WWOX: variants seen among roughly 807,000 people sequenced by gnomAD.
The protein encoded by WWOX is WW domain containing oxidoreductase.
In WWOX, 69 loss-of-function variants were observed where a neutral mutation model predicts 46.2. The ratio of observed to expected loss-of-function variants is 1.49; its 90% CI spans 1.23 to 1.82. WWOX has a LOEUF of 1.82. WWOX is among the 40% of genes most tolerant of loss of function. WWOX has a pLI of 0.00. For missense variants in WWOX, 919 were observed against 542.6 expected (o/e 1.69, Z -6.89); for synonymous variants, 359 against 202.6 (o/e 1.77, Z -6.56).
chr16:79,156,118 A>G (rs1231147684), intron 8 of WWOX, among the ~76,000 whole-genome samples: 1 of 152,176 alleles, frequency 6.6e-6, no homozygotes, highest in Admixed American at 6.5e-5. Context: ...CCCATCTGTT[A>G]CTACTAACAG....
chr16:78,717,251 T>C (rs374153839), intron 8 of WWOX, among the ~76,000 whole-genome samples: 1 of 152,184 alleles, frequency 6.6e-6, no homozygotes, highest in Admixed American at 6.5e-5. Context: ...CATTGCTAAA[T>C]TGGAAAACCA....
At chr16:79,079,206 G>A (rs1039512086) in intron 8 of WWOX, among the ~76,000 whole-genome samples, 1 of 152,074 alleles carries the variant, frequency 6.6e-6, no homozygotes, top group African/African-American at 2.4e-5. Flanking sequence ...TTTATTTTTA[G>A]CATCCGCGGT....
At chr16:79,187,042 T>G (rs2150798431) in intron 8 of WWOX, among the ~76,000 whole-genome samples, 1 of 152,286 alleles carries the variant, frequency 6.6e-6, no homozygotes, top group African/African-American at 2.4e-5. Flanking sequence ...ACCCTAAATG[T>G]GCAGAGCAGG....
intron 8 of WWOX, among the ~76,000 whole-genome samples, chr16:79,059,512 A>G (rs2048322533): frequency 6.6e-6 from 1 of 152,134 alleles, no homozygotes; most frequent in Non-Finnish European, 1.5e-5. Flanking sequence ...TTTTTTTGAG[A>G]TGGAGTCTTG....
At chr16:78,690,680 C>G (rs1455822960) in intron 8 of WWOX, among the ~76,000 whole-genome samples, 1 of 152,198 alleles carries the variant, frequency 6.6e-6, no homozygotes, top group African/African-American at 2.4e-5. Flanking sequence ...GGTTCTTTGT[C>G]TTGTCCCTCC....
chr16:78,953,330 T>C (rs1393834428), intron 8 of WWOX, among the ~76,000 whole-genome samples: 6 of 152,080 alleles, frequency 3.9e-5, no homozygotes, highest in Non-Finnish European at 8.8e-5. Context: ...TAACCTACTT[T>C]AGAGAACAAA....
intron 8 of WWOX, among the ~76,000 whole-genome samples, chr16:78,571,619 C>T (rs772873735): frequency 1.4e-4 from 22 of 152,070 alleles, no homozygotes; most frequent in Non-Finnish European, 2.4e-4. Context: ...CTGTTATCTC[C>T]GCACTTAAGG....
At chr16:78,930,202 G>A (rs1303757013) in intron 8 of WWOX, among the ~76,000 whole-genome samples, 1 of 135,826 alleles carries the variant, frequency 7.4e-6, no homozygotes, top group South Asian at 2.5e-4. Flanking sequence ...AGAGCCTGGG[G>A]TGGATTATTT....
chr16:79,212,382 C>T lies in WWOX; in HGVS notation c.*586C>T. On this transcript the variant is annotated 3_prime_UTR_variant, in exon 9 of 9. Coordinates refer to ENST00000566780, the MANE Select transcript of WWOX (RefSeq NM_016373.4). ...AGAGGGAGTAGAATACGCAGAACTACCAGGTGGCAAAGTACTTGTCATAGA... is the reference window on the plus strand; with the variant it reads ...AGAGGGAGTAGAATACGCAGAACTATCAGGTGGCAAAGTACTTGTCATAGA... The T allele has an allele frequency of 1.6e-5, 8 of 491,002 alleles. No homozygotes were observed. The South Asian group carries it at 3.1e-4, about 19-fold the overall frequency. The allele number at this position is 491,002 out of a possible 1,614,324, so 30.4% of individuals were successfully genotyped here.
intron 8 of WWOX, among the ~76,000 whole-genome samples, chr16:78,533,387 C>G (rs1188939013): frequency 6.7e-6 from 1 of 148,886 alleles, no homozygotes; most frequent in Admixed American, 6.8e-5. Flanking sequence ...TTTGGCTGCA[C>G]ATAATATACA....
intron 3 of WWOX, among the ~76,000 whole-genome samples, chr16:78,110,219 G>T (rs1267152322): frequency 1.3e-5 from 2 of 151,608 alleles, no homozygotes; most frequent in African/African-American, 4.8e-5. Context: ...ACGTGCCTGT[G>T]GTCCCTGCTA....
intron 8 of WWOX, among the ~76,000 whole-genome samples, chr16:78,470,754 C>G (rs372513894): frequency 1.3e-5 from 2 of 152,236 alleles, no homozygotes; most frequent in East Asian, 3.9e-4. Context: ...GTCTTGAACT[C>G]CTGACCTCAG....
chr16:78,868,916 T>G (rs921991052), intron 8 of WWOX, among the ~76,000 whole-genome samples: 1 of 152,094 alleles, frequency 6.6e-6, no homozygotes, highest in Non-Finnish European at 1.5e-5. Flanking sequence ...CCCCCCTTTT[T>G]CCATTAAAAC....
intron 8 of WWOX, among the ~76,000 whole-genome samples, chr16:79,048,978 T>G (rs2048116608): frequency 6.6e-6 from 1 of 152,116 alleles, no homozygotes; most frequent in African/African-American, 2.4e-5. Context: ...ATTCCTCTAT[T>G]CCCTGGACAA....
intron 3 of WWOX, among the ~76,000 whole-genome samples, 192 bp downstream of exon 3, chr16:78,110,027 C>T (rs530703936): frequency 7.2e-5 from 11 of 151,730 alleles, no homozygotes; most frequent in South Asian, 4.2e-4. Flanking sequence ...CTATTTTCCC[C>T]GCACACGCAT....
Position 78,424,946 on chromosome 16 carries a change from A to G in WWOX, c.682A>G (p.Thr228Ala). The G allele has an allele frequency of 1.2e-6, 2 of 1,614,018 alleles. No individual in the cohort carries two copies. Among genetic ancestry groups the G allele is most frequent in the South Asian group, 2.2e-5 (2 of 91,062 alleles). Reference protein sequence around the residue: ...WSLTKDGLETTFQVNHLGHFY... With the variant: ...WSLTKDGLETAFQVNHLGHFY... The stretch of plus-strand genomic sequence containing the variant: ...TCTCACCAAAGATGGCCTGGAGACC[A>G]CCTTTCAAGTGAATCATCTGGGGCA... Residue 228 changes from threonine (T) to alanine (A), a missense_variant, in exon 7 of 9, where the codon ACC (threonine) becomes GCC (alanine). Physicochemically the swap from Thr to Ala is moderately conservative, Grantham distance 58 (BLOSUM62 0). Transcript: ENST00000566780.
At chr16:78,781,998 G>A (rs1168312811) in intron 8 of WWOX, among the ~76,000 whole-genome samples, 1 of 152,108 alleles carries the variant, frequency 6.6e-6, no homozygotes, top group East Asian at 1.9e-4. Context: ...AAGCAATTTG[G>A]TTCCAAAACC....
At chr16:78,871,799 C>A (rs2044134499) in intron 8 of WWOX, among the ~76,000 whole-genome samples, 1 of 152,158 alleles carries the variant, frequency 6.6e-6, no homozygotes, top group Non-Finnish European at 1.5e-5. Flanking sequence ...AGAGGGGTTT[C>A]ACCATATTGG....
intron 8 of WWOX, among the ~76,000 whole-genome samples, chr16:78,722,208 G>A (rs747577497): frequency 4.6e-5 from 7 of 152,172 alleles, no homozygotes; most frequent in Non-Finnish European, 1.0e-4. Flanking sequence ...GATGACCGCA[G>A]CTCCTGTAGT....
Sources: gnomAD v4.1 joint callset for allele counts (sites outside exome capture counted in the v4.1 genomes callset) on GRCh38, gnomAD v4.1.1 for gene constraint, MANE v1.5 for transcripts, NCBI Gene and HGNC (gene_info 2026-07-23, HGNC 2026-07-21) for gene names.